Variants in ADAMTSL2 observed in about 807,000 individuals in gnomAD.
The protein encoded by ADAMTSL2 is ADAMTS-like protein 2.
ADAMTSL2 carries 55 observed loss-of-function variants against 117.0 expected under a neutral mutation model. That is an observed-to-expected ratio of 0.47 (90% CI 0.38 to 0.59). The LOEUF (loss-of-function observed/expected upper bound fraction) is 0.59, where lower values mean the gene tolerates loss of function less well. Among genes scored for constraint, ADAMTSL2 ranks in the 20% least tolerant of loss-of-function variants. ADAMTSL2 has a pLI of 0.00. For missense variants in ADAMTSL2, 1,182 were observed against 1,354.5 expected, an observed-to-expected ratio of 0.87 and a Z score of 2.00; for synonymous variants, 572 against 566.4, an observed-to-expected ratio of 1.01 and a Z score of -0.14.
At position 133,560,488 on chromosome 9, in the gene ADAMTSL2, C is replaced by T. The variant is rs1483116321; in HGVS notation, c.1650-710C>T. Among the ~76,000 whole-genome samples, 3 of 152,310 alleles carry T rather than the reference C, an allele frequency of 2.0e-5. No individual in the cohort carries two copies. The East Asian group carries it at 5.8e-4, about 29-fold the overall frequency. Reference sequence around the variant, plus strand: ...CTGCACATTGGATGTGGAGGTTGGGCCCAGGCACACCTACTGGTTCAAAGA... The same window carrying T: ...CTGCACATTGGATGTGGAGGTTGGGTCCAGGCACACCTACTGGTTCAAAGA... On this transcript the variant is annotated intron_variant, in intron 11 of 18. Coordinates refer to ENST00000651351, the MANE Select transcript of ADAMTSL2 (RefSeq NM_014694.4).
At chr9:133,532,183 C>T (rs894942367), upstream of ADAMTSL2, 2 of 152,294 alleles carry the variant, frequency 1.3e-5, no homozygotes, top group East Asian at 1.9e-4. Flanking sequence ...AGAAAATCCC[C>T]TTCTTTTTTT....
rs371982785 is a variant in ADAMTSL2 at position 133,575,351 on chromosome 9, G to A, written c.*487G>A. On this transcript the variant is annotated 3_prime_UTR_variant, in exon 19 of 19. Coordinates refer to ENST00000651351, the MANE Select transcript of ADAMTSL2 (RefSeq NM_014694.4). ...CTCAGGCAGCCAAGGAGGCCCAGGC[G>A]TGCTCCCTCTTATGGAGCCCCTCCC... is the stretch of plus-strand genomic sequence containing the variant. 198 of 194,224 alleles carry A rather than the reference G, an allele frequency of 1.0e-3. No homozygotes were observed. Among genetic ancestry groups the A allele is most frequent in the African/African-American group, 3.7e-3 (159 of 42,732 alleles). The allele number at this position is 194,224 out of a possible 1,614,324, so 12.0% of individuals were successfully genotyped here.
At position 133,534,790 on chromosome 9, in the gene ADAMTSL2, G is replaced by A. The variant is rs1212999966; in HGVS notation, c.-278G>A. 17 of 1,483,458 alleles carry A rather than the reference G, an allele frequency of 1.1e-5. No individual in the cohort carries two copies. Among genetic ancestry groups the A allele is most frequent in the Non-Finnish European group, 1.4e-5 (16 of 1,111,932 alleles). The allele number at this position is 1,483,458 out of a possible 1,614,324, so 91.9% of individuals were successfully genotyped here. On this transcript the variant is annotated 5_prime_UTR_variant, in exon 1 of 19. Coordinates refer to ENST00000651351, the MANE Select transcript of ADAMTSL2 (RefSeq NM_014694.4). ...GGCGGCGCGGGGGAGGAGGGGAAGG[G>A]GAGAGGGAGGCCGGGCCGCAGCCTC...
rs1299182874 is a variant in ADAMTSL2 at position 133,554,849 on chromosome 9, G to T, written c.1276+156G>T. Among the ~76,000 whole-genome samples the T allele has an allele frequency of 6.6e-6, 1 of 152,232 alleles. No individual in the cohort carries two copies. The highest frequency in any genetic ancestry group is 2.4e-5 in the African/African-American group (1 of 41,468). ...ATGTCCTCTGGGCAGGCACAGGGTT[G>T]AGGACTTGGGATAGGTCCTTCTGTC... On this transcript the variant is annotated intron_variant, in intron 10 of 18. Coordinates refer to ENST00000651351, the MANE Select transcript of ADAMTSL2 (RefSeq NM_014694.4). The surrounding 1 kb of genome is among the most constrained non-coding windows in gnomAD (Gnocchi z 5.2).
rs1032602588 is a variant in ADAMTSL2, at chr9:133,575,185, C to T, written c.*321C>T. On this transcript the variant is annotated 3_prime_UTR_variant, in exon 19 of 19. Coordinates refer to ENST00000651351, the MANE Select transcript of ADAMTSL2 (RefSeq NM_014694.4). ...GCCCCCAGCCGAGGGGCCCAGGGCC[C>T]ACAGCCAGCGGTGGAGGTGTCTTGC... The T allele has an allele frequency of 5.0e-6, 2 of 401,386 alleles. No homozygotes were observed. Among genetic ancestry groups the T allele is most frequent in the South Asian group, 2.5e-5 (1 of 40,214 alleles). The allele number at this position is 401,386 out of a possible 1,614,324, so 24.9% of individuals were successfully genotyped here. A position where few individuals can be genotyped will look rare whatever the true frequency, so the allele number is the denominator to read the frequency against.
chr9:133,536,592 C>T lies in ADAMTSL2; in HGVS notation c.-121C>T, dbSNP rs1259232531. On this transcript the variant is annotated 5_prime_UTR_variant, in exon 2 of 19. Coordinates refer to ENST00000651351, the MANE Select transcript of ADAMTSL2 (RefSeq NM_014694.4). ...TGCCAGACAACCACGACCAACTAGT[C>T]CCAGATAACCTTGAGGCCTGGGCAC... 5.6e-6 allele frequency: 9 copies of T among 1,607,212 alleles called. No homozygotes were observed. Among genetic ancestry groups the T allele is most frequent in the South Asian group, 1.1e-5 (1 of 90,306 alleles).
intron 16 of ADAMTSL2, 108 bp from the exon 17 acceptor site, chr9:133,570,223 C>A: frequency 8.0e-7 from 1 of 1,254,776 alleles, no homozygotes; most frequent in Non-Finnish European, 1.1e-6. Context: ...GGAGCATTCT[C>A]ACCCAATTGC....
intron 12 of ADAMTSL2, among the ~76,000 whole-genome samples, 169 bp downstream of exon 12, chr9:133,561,464 G>T (rs749129711): frequency 1.8e-4 from 28 of 152,198 alleles, no homozygotes; most frequent in Non-Finnish European, 3.2e-4. Flanking sequence ...GAGTTTGGGT[G>T]TCTGGTGAGG....
At position 133,568,378 on chromosome 9, in the gene ADAMTSL2, C is replaced by T. The variant is rs1286282985; in HGVS notation, c.1980C>T (p.Ser660=). ...TGCTCTCGCCCGGCTTCGACAGCTC[C>T]GTGTACAGCGACCTGTGCGAGGCAG... ...WKMLSPGFDS[S]VYSDLCEAAE... The change falls in exon 14 of 19, where the codon TCC becomes TCT. Residue 660 remains serine (S), a synonymous_variant. Transcript: ENST00000651351. The T allele has an allele frequency of 9.3e-6, 15 of 1,605,312 alleles. No individual in the cohort carries two copies. In the Middle Eastern group the frequency reaches 5.0e-4, roughly 53 times the overall value.
chr9:133,567,100 G>A lies in ADAMTSL2; in HGVS notation c.1874+38G>A, dbSNP rs1029559714. On this transcript the variant is annotated intron_variant, in intron 13 of 18. Coordinates refer to ENST00000651351, the MANE Select transcript of ADAMTSL2 (RefSeq NM_014694.4). Reference sequence around the variant, plus strand: ...AGGGGCCCTGGGCAGGGGGTCGGCAGGGGGCGTGAGGGGCTCTGCCCAAAG... The same window carrying A: ...AGGGGCCCTGGGCAGGGGGTCGGCAAGGGGCGTGAGGGGCTCTGCCCAAAG... 6.3e-6 allele frequency: 10 copies of A among 1,578,928 alleles called. No individual in the cohort carries two copies. The South Asian group carries it at 1.0e-4, about 16-fold the overall frequency.
intron 4 of ADAMTSL2, 101 bp from the exon 5 acceptor site, chr9:133,539,670 C>T (rs1211646482): frequency 8.1e-7 from 1 of 1,227,216 alleles, no homozygotes; most frequent in Non-Finnish European, 1.2e-6. Context: ...TCCCGGCTGT[C>T]CCGGCTGTCC....
intron 11 of ADAMTSL2, among the ~76,000 whole-genome samples, chr9:133,560,207 C>A (rs956969425): frequency 1.3e-5 from 2 of 152,198 alleles, no homozygotes; most frequent in Non-Finnish European, 2.9e-5. Flanking sequence ...TGAAGTATGG[C>A]GGCTTGGGGT....
At position 133,536,547 on chromosome 9, in the gene ADAMTSL2, T is replaced by C; in HGVS notation, c.-150-16T>C. 6.5e-7 allele frequency: 1 copy of C among 1,548,580 alleles called. No individual in the cohort carries two copies. The highest frequency in any genetic ancestry group is 1.2e-5 in the South Asian group (1 of 84,412). ...CTAAGCCTAGACTGAGGCGGGGGGTTCATCCTTCCCAACAGGGTCTGCCAG... is the reference window on the plus strand; with the variant it reads ...CTAAGCCTAGACTGAGGCGGGGGGTCCATCCTTCCCAACAGGGTCTGCCAG... On this transcript the variant is annotated splice_polypyrimidine_tract_variant and intron_variant, in intron 1 of 18. Transcript: ENST00000651351.
intron 16 of ADAMTSL2, 59 bp downstream of exon 16, chr9:133,569,637 G>A: frequency 6.6e-7 from 1 of 1,517,392 alleles, no homozygotes; most frequent in African/African-American, 1.4e-5. Flanking sequence ...TTTGGCCAGA[G>A]AGGAGAGCCA....
chr9:133,566,546 G>A (rs1336032611), intron 12 of ADAMTSL2, among the ~76,000 whole-genome samples: 4 of 152,168 alleles, frequency 2.6e-5, no homozygotes, highest in Non-Finnish European at 5.9e-5. Context: ...TGACGGGGCT[G>A]GAGCCGTCAG....
chr9:133,567,507 A>C (rs1831002305), intron 13 of ADAMTSL2, among the ~76,000 whole-genome samples: 1 of 151,992 alleles, frequency 6.6e-6, no homozygotes, highest in South Asian at 2.1e-4. Flanking sequence ...AGTCAGTCTG[A>C]GCTGAGTGCA....
At chr9:133,534,660 G>C (rs1830004850), upstream of ADAMTSL2, 5 of 1,327,744 alleles carry the variant, frequency 3.8e-6, no homozygotes, top group Non-Finnish European at 4.8e-6. Flanking sequence ...GTTCCTCCCC[G>C]TCTGCCTGAC....
chr9:133,570,866 G>A (rs1831090026), intron 17 of ADAMTSL2, among the ~76,000 whole-genome samples: 1 of 152,182 alleles, frequency 6.6e-6, no homozygotes. Flanking sequence ...AGCAGATTGG[G>A]CTGAGGCAGA....
chr9:133,540,449 T>C, intron 5 of ADAMTSL2, 149 bp from the exon 6 acceptor site: 1 of 1,127,068 alleles, frequency 8.9e-7, no homozygotes. Flanking sequence ...TTTCTGCCAC[T>C]GAGACCTGGA....
Sources: gnomAD v4.1 joint callset for allele counts (sites outside exome capture counted in the v4.1 genomes callset) on GRCh38, gnomAD v4.1.1 for gene constraint, Gnocchi (gnomAD v3.1) non-coding constraint, MANE v1.5 for transcripts, NCBI Gene and HGNC (gene_info 2026-07-23, HGNC 2026-07-21) for gene names.